The following AUTS2 variants were observed in gnomAD, a reference collection of about 807,000 sequenced individuals.
The protein encoded by AUTS2 is autism susceptibility gene 2 protein.
AUTS2 carries 17 observed loss-of-function variants against 112.4 expected under a neutral mutation model. The ratio of observed to expected loss-of-function variants is 0.15; its 90% CI spans 0.10 to 0.23. The LOEUF (loss-of-function observed/expected upper bound fraction) is 0.23. AUTS2 is among the 10% of genes least tolerant of loss of function. The pLI is 1.00. For missense variants in AUTS2, 1,510 were observed against 1,701.6 expected, an observed-to-expected ratio of 0.89 and a Z score of 1.98; for synonymous variants, 751 against 702.7, an observed-to-expected ratio of 1.07 and a Z score of -1.09.
chr7:70,380,510 G>A (rs1018771675), intron 4 of AUTS2, among the ~76,000 whole-genome samples: 1 of 152,238 alleles, frequency 6.6e-6, no homozygotes, highest in Non-Finnish European at 1.5e-5. Flanking sequence ...CCGTGGCTGT[G>A]ATCTCAGGGG....
intron 2 of AUTS2, among the ~76,000 whole-genome samples, chr7:70,093,832 C>G (rs1804046722): frequency 6.6e-6 from 1 of 152,174 alleles, no homozygotes; most frequent in African/African-American, 2.4e-5. Flanking sequence ...AACCCAATAA[C>G]CTTTGAAGAA....
chr7:70,582,379 A>G (rs983921687), intron 5 of AUTS2, among the ~76,000 whole-genome samples: 29 of 152,134 alleles, frequency 1.9e-4, no homozygotes. Flanking sequence ...AGGCCTACGG[A>G]GTGGGTTCCC....
Position 70,631,591 on chromosome 7 carries a change from AG to A in AUTS2, c.691-66977del, listed in dbSNP as rs1805262746. Among the ~76,000 whole-genome samples, 1 of 152,188 alleles carries A rather than the reference AG, an allele frequency of 6.6e-6. No homozygotes were observed. The highest frequency in any genetic ancestry group is 2.4e-5 in the African/African-American group (1 of 41,454). On this transcript the variant is annotated intron_variant, in intron 5 of 18. Transcript: ENST00000342771. The surrounding 1 kb of genome is among the most constrained non-coding windows in gnomAD (Gnocchi z 4.5). ...CACAGGTTCTGTCCCAGATGTTCTC[AG>A]CACCATTTTAGCGACAAGGGCAGCT...
chr7:69,918,724 T>C (rs1795690945), intron 2 of AUTS2, among the ~76,000 whole-genome samples: 1 of 152,218 alleles, frequency 6.6e-6, no homozygotes, highest in Non-Finnish European at 1.5e-5. Flanking sequence ...CCTGGCATAA[T>C]TATTCCGTAT....
intron 2 of AUTS2, among the ~76,000 whole-genome samples, chr7:70,084,203 G>C (rs374964231): frequency 6.6e-6 from 1 of 151,910 alleles, no homozygotes; most frequent in East Asian, 1.9e-4. Context: ...TTTGGAGGAG[G>C]GGGGGTTCTG....
chr7:70,153,559 A>G (rs1041760421), intron 4 of AUTS2, among the ~76,000 whole-genome samples: 1 of 152,186 alleles, frequency 6.6e-6, no homozygotes, highest in Admixed American at 6.5e-5. Context: ...TATCCTTTAA[A>G]TATGTGCAGT....
Position 70,766,008 on chromosome 7 carries a change from C to G in AUTS2, c.1469-106C>G. ...ATCTCAGGGCCCAGCCACACCCTGT[C>G]ACCCCTGCCACTGTGTCACCAGCCC... On this transcript the variant is annotated intron_variant, in intron 8 of 18. Coordinates refer to ENST00000342771, the MANE Select transcript of AUTS2 (RefSeq NM_015570.4). This position sits in a 1 kb window ranked among gnomAD's most constrained non-coding sequence, Gnocchi z 4.8. The G allele has an allele frequency of 6.6e-7, 1 of 1,504,286 alleles. No homozygotes were observed. Among genetic ancestry groups the G allele is most frequent in the South Asian group, 1.3e-5 (1 of 76,250 alleles). The allele number at this position is 1,504,286 out of a possible 1,614,324, so 93.2% of individuals were successfully genotyped here.
intron 1 of AUTS2, among the ~76,000 whole-genome samples, chr7:69,878,696 C>G (rs117228878): frequency 1.3e-5 from 2 of 152,332 alleles, no homozygotes; most frequent in Non-Finnish European, 2.9e-5. Context: ...AATCACATCT[C>G]TCATCCTGTG....
At chr7:69,989,682 G>A (rs151237818) in intron 2 of AUTS2, among the ~76,000 whole-genome samples, 145 of 152,278 alleles carry the variant, frequency 9.5e-4, no homozygotes, top group Non-Finnish European at 1.8e-3. Flanking sequence ...TGGACATCAA[G>A]TAGACTAGGG....
intron 1 of AUTS2, among the ~76,000 whole-genome samples, chr7:69,633,380 A>G (rs1251228173): frequency 6.6e-6 from 1 of 152,104 alleles, no homozygotes; most frequent in Non-Finnish European, 1.5e-5. Flanking sequence ...TTGTCTCCAT[A>G]TCTTATGAAT....
At chr7:69,683,770 G>T (rs1796928976) in intron 1 of AUTS2, among the ~76,000 whole-genome samples, 1 of 151,890 alleles carries the variant, frequency 6.6e-6, no homozygotes. Flanking sequence ...AATTGGTCTG[G>T]CATGGTAGTA....
In AUTS2 at chr7:70,520,547, G is replaced by A. The variant is rs149344166; in HGVS notation, c.690+84766G>A. ...TAGATATCACGTGCATCATGATCAC[G>A]CCTTAGATTATTCAGGAGATATTTA... On this transcript the variant is annotated intron_variant, in intron 5 of 18. Coordinates refer to ENST00000342771, the MANE Select transcript of AUTS2 (RefSeq NM_015570.4). Among the ~76,000 whole-genome samples, 319 of 152,256 alleles carry A rather than the reference G, an allele frequency of 2.1e-3. 1 individual carries two copies. The highest frequency in any genetic ancestry group is 7.3e-3 in the African/African-American group (302 of 41,548).
chr7:70,790,096 G>A lies in AUTS2; in HGVS notation c.2880G>A (p.Arg960=), dbSNP rs1298533161. The A allele has an allele frequency of 1.9e-6, 3 of 1,586,712 alleles. No individual in the cohort carries two copies. The highest frequency in any genetic ancestry group is 2.3e-5 in the South Asian group (2 of 87,938). ...CCAGGCCCAACAGCACCTCGAGCCG[G>A]GAGGCCGAGCCGCGCAAGGGTGAGC... ...ESARPNSTSS[R]EAEPRKGEPA... is the part of the protein sequence containing the mutation. Residue 960 remains arginine, a synonymous_variant, in exon 19 of 19, where the codon CGG becomes CGA. Coordinates refer to ENST00000342771, the MANE Select transcript of AUTS2 (RefSeq NM_015570.4). The surrounding 1 kb of genome is among the most constrained non-coding windows in gnomAD (Gnocchi z 7.6).
chr7:70,043,807 C>T (rs1470397520), intron 2 of AUTS2, among the ~76,000 whole-genome samples: 2 of 152,036 alleles, frequency 1.3e-5, no homozygotes, highest in Non-Finnish European at 2.9e-5. Context: ...CAGGGTTTCT[C>T]TATGTTGGTC....
chr7:70,046,083 A>G (rs959240396), intron 2 of AUTS2, among the ~76,000 whole-genome samples: 2 of 152,210 alleles, frequency 1.3e-5, no homozygotes, highest in East Asian at 3.8e-4. Context: ...ATTAGCAACA[A>G]TATATAGATG....
intron 4 of AUTS2, among the ~76,000 whole-genome samples, chr7:70,435,088 A>C: frequency 6.6e-6 from 1 of 152,156 alleles, no homozygotes; most frequent in Admixed American, 6.6e-5. Flanking sequence ...GCCCTAAAGC[A>C]TACTTTTTTG....
intron 5 of AUTS2, among the ~76,000 whole-genome samples, chr7:70,524,003 G>T (rs1329873786): frequency 2.6e-5 from 4 of 152,188 alleles, no homozygotes. Flanking sequence ...TTTCTCTTAA[G>T]AAATTAAACA....
At chr7:69,839,467 A>G (rs1263508002) in intron 1 of AUTS2, among the ~76,000 whole-genome samples, 1 of 152,164 alleles carries the variant, frequency 6.6e-6, no homozygotes, top group African/African-American at 2.4e-5. Context: ...AGTAGGCTGA[A>G]TATGACTTAA....
chr7:70,443,157 G>A (rs1585150891), intron 5 of AUTS2, among the ~76,000 whole-genome samples: 1 of 152,256 alleles, frequency 6.6e-6, no homozygotes, highest in East Asian at 1.9e-4. Context: ...TTAAATATAG[G>A]TAAGTCAACA....
Sources: gnomAD v4.1 joint callset for allele counts (sites outside exome capture counted in the v4.1 genomes callset) on GRCh38, gnomAD v4.1.1 for gene constraint, Gnocchi (gnomAD v3.1) non-coding constraint, MANE v1.5 for transcripts, NCBI Gene and HGNC (gene_info 2026-07-23, HGNC 2026-07-21) for gene names.